The following GALNT13 variants were observed in gnomAD, a reference collection of about 807,000 sequenced individuals.
The protein encoded by GALNT13 is polypeptide N-acetylgalactosaminyltransferase 13.
In GALNT13, 28 loss-of-function variants were observed where a neutral mutation model predicts 64.2. That is an observed-to-expected ratio of 0.44 (90% CI 0.32 to 0.60). The LOEUF (loss-of-function observed/expected upper bound fraction) is 0.60. GALNT13 is among the 20% of genes least tolerant of loss of function. GALNT13 has a pLI of 0.05. For synonymous variants in GALNT13, 214 were observed against 224.6 expected, an observed-to-expected ratio of 0.95 and a Z score of 0.42; for missense variants, 577 against 669.8, an observed-to-expected ratio of 0.86 and a Z score of 1.53.
the GALNT13 span, among the ~76,000 whole-genome samples, chr2:153,802,080 G>T: frequency 6.6e-6 from 1 of 152,100 alleles, no homozygotes; most frequent in African/African-American, 2.4e-5. Flanking sequence ...GAGGACTTTT[G>T]TGGCATGTCA....
At chr2:153,247,339 T>C in the GALNT13 span, among the ~76,000 whole-genome samples, 1 of 152,168 alleles carries the variant, frequency 6.6e-6, no homozygotes, top group Admixed American at 6.5e-5. Context: ...TATACATTCT[T>C]CTCAGTGCCA....
chr2:153,349,211 C>CA, the GALNT13 span, among the ~76,000 whole-genome samples: 1 of 150,886 alleles, frequency 6.6e-6, no homozygotes, highest in Non-Finnish European at 1.5e-5. Context: ...TGAAAAAAAA[C>CA]AAAAAACAAA....
At chr2:153,094,555 A>G in the GALNT13 span, among the ~76,000 whole-genome samples, 1 of 152,180 alleles carries the variant, frequency 6.6e-6, no homozygotes, top group African/African-American at 2.4e-5. Context: ...TTCATATGGA[A>G]CCAAAAAAGA....
the GALNT13 span, among the ~76,000 whole-genome samples, chr2:153,413,355 C>T: frequency 6.6e-6 from 1 of 152,160 alleles, no homozygotes; most frequent in East Asian, 1.9e-4. Flanking sequence ...GGTAAGTGGA[C>T]ACTTACTACT....
the GALNT13 span, among the ~76,000 whole-genome samples, chr2:153,427,093 G>T: frequency 7.2e-5 from 11 of 151,816 alleles, no homozygotes; most frequent in Non-Finnish European, 1.2e-4. Flanking sequence ...TTTTAAATTT[G>T]AATTCATTTG....
the GALNT13 span, among the ~76,000 whole-genome samples, chr2:153,804,879 G>C: frequency 6.6e-6 from 1 of 151,930 alleles, no homozygotes; most frequent in Non-Finnish European, 1.5e-5. Flanking sequence ...TTAGTGAGAA[G>C]ACAAGAAGGT....
At chr2:154,127,541 T>C (rs998530085) in intron 3 of GALNT13, among the ~76,000 whole-genome samples, 6 of 151,782 alleles carry the variant, frequency 4.0e-5, no homozygotes, top group Non-Finnish European at 5.9e-5. Context: ...TAAGTAGTTG[T>C]GAAGAGGTGA....
the GALNT13 span, among the ~76,000 whole-genome samples, chr2:153,359,852 G>C: frequency 6.6e-6 from 1 of 151,934 alleles, no homozygotes; most frequent in East Asian, 1.9e-4. Flanking sequence ...TCAGCAAAAA[G>C]GTAGAAACTA....
At chr2:153,635,417 C>CATATATATGTATATATATAT in the GALNT13 span, among the ~76,000 whole-genome samples, 1 of 129,624 alleles carries the variant, frequency 7.7e-6, no homozygotes, top group South Asian at 2.7e-4. Context: ...TATATATATA[C>CATATATATGTATATATATAT]ACATATATAT....
chr2:153,743,896 G>T, the GALNT13 span, among the ~76,000 whole-genome samples: 1 of 151,852 alleles, frequency 6.6e-6, no homozygotes, highest in Non-Finnish European at 1.5e-5. Flanking sequence ...TTGGTTTTTA[G>T]ATCCCACAAA....
At chr2:154,117,661 T>TA (rs1681668099) in intron 3 of GALNT13, among the ~76,000 whole-genome samples, 1 of 152,092 alleles carries the variant, frequency 6.6e-6, no homozygotes, top group Non-Finnish European at 1.5e-5. Flanking sequence ...TGGAACAGAA[T>TA]AGAGAACCCA....
At chr2:153,996,899 C>T (rs1325188290) in intron 3 of GALNT13, among the ~76,000 whole-genome samples, 1 of 151,990 alleles carries the variant, frequency 6.6e-6, no homozygotes, top group African/African-American at 2.4e-5. Flanking sequence ...TCTAGTTTTC[C>T]TGGGACCAAT....
At chr2:153,106,231 C>G in the GALNT13 span, among the ~76,000 whole-genome samples, 2 of 152,154 alleles carry the variant, frequency 1.3e-5, no homozygotes, top group African/African-American at 4.8e-5. Context: ...AAAATGTATT[C>G]CAGCTTTCCA....
the GALNT13 span, among the ~76,000 whole-genome samples, chr2:153,275,834 A>G: frequency 6.6e-6 from 1 of 152,180 alleles, no homozygotes; most frequent in African/African-American, 2.4e-5. Flanking sequence ...AGGTTGAAGA[A>G]CAGAAAAAAA....
the GALNT13 span, among the ~76,000 whole-genome samples, chr2:153,719,486 G>C: frequency 6.6e-6 from 1 of 152,284 alleles, no homozygotes. Flanking sequence ...AACAGCTCCG[G>C]TCTACAGCTC....
chr2:154,084,832 T>A (rs2105423582), intron 3 of GALNT13, among the ~76,000 whole-genome samples: 1 of 152,090 alleles, frequency 6.6e-6, no homozygotes, highest in Middle Eastern at 3.4e-3. Context: ...CTATTTATAT[T>A]TTGAGTAACT....
the GALNT13 span, among the ~76,000 whole-genome samples, chr2:153,323,412 G>T: frequency 6.6e-6 from 1 of 151,874 alleles, no homozygotes; most frequent in African/African-American, 2.4e-5. Context: ...TGAATAGATT[G>T]CAAAATTTTT....
chr2:153,111,509 G>C, the GALNT13 span, among the ~76,000 whole-genome samples: 1 of 151,988 alleles, frequency 6.6e-6, no homozygotes, highest in African/African-American at 2.4e-5. Flanking sequence ...CGCCCAGTGT[G>C]AGAGGAGCAA....
At chr2:154,130,547 T>C (rs541747090) in intron 3 of GALNT13, among the ~76,000 whole-genome samples, 5 of 152,202 alleles carry the variant, frequency 3.3e-5, no homozygotes, top group Admixed American at 1.3e-4. Flanking sequence ...TTGTGAAAGA[T>C]ATATATATTT....
Sources: gnomAD v4.1 joint callset for allele counts (sites outside exome capture counted in the v4.1 genomes callset) on GRCh38, gnomAD v4.1.1 for gene constraint, MANE v1.5 for transcripts, NCBI Gene and HGNC (gene_info 2026-07-23, HGNC 2026-07-21) for gene names.